Variants in GYG1 observed in about 807,000 individuals in gnomAD.
GYG1 encodes the protein glycogenin-1.
A neutral mutation model predicts 41.9 loss-of-function variants in GYG1; 44 were observed. That is an observed-to-expected ratio of 1.05 (90% CI 0.83 to 1.35). The LOEUF is 1.35. GYG1 is among the 40% of genes most tolerant of loss of function. The pLI is 0.00. For missense variants in GYG1, 429 were observed against 418.9 expected, an observed-to-expected ratio of 1.02 and a Z score of -0.21; for synonymous variants, 141 against 158.1, an observed-to-expected ratio of 0.89 and a Z score of 0.81.
chr3:149,031,251 CAT>C lies in GYG1; in HGVS notation c.*4320_*4321del, dbSNP rs1051759191. 2 of 152,464 alleles carry C rather than the reference CAT, an allele frequency of 1.3e-5. No homozygotes were observed. The highest frequency in any genetic ancestry group is 2.4e-5 in the African/African-American group (1 of 41,414). The allele number at this position is 152,464 out of a possible 1,614,324, so 9.4% of individuals were successfully genotyped here. ...CAAAATCAAATTCTGATTCTAAACACATAACAATTGTTTACATTCAGGATTAA... is the reference window on the plus strand; with the variant it reads ...CAAAATCAAATTCTGATTCTAAACACAACAATTGTTTACATTCAGGATTAA... On this transcript the variant is annotated 3_prime_UTR_variant, in exon 8 of 8. Coordinates refer to ENST00000345003, the MANE Select transcript of GYG1 (RefSeq NM_004130.4).
At chr3:149,017,225 G>C (rs1714097598) in intron 5 of GYG1, among the ~76,000 whole-genome samples, 1 of 152,160 alleles carries the variant, frequency 6.6e-6, no homozygotes, top group African/African-American at 2.4e-5. Context: ...CAGTATTATT[G>C]CTGGCTTGTG....
chr3:149,012,231 C>T (rs781283221), intron 5 of GYG1, among the ~76,000 whole-genome samples: 2 of 151,158 alleles, frequency 1.3e-5, no homozygotes, highest in Non-Finnish European at 3.0e-5. Context: ...ATCATTGCTA[C>T]TCTCCAAAGA....
chr3:149,029,301 C>CAA lies in GYG1; in HGVS notation c.*2369_*2370dup, dbSNP rs1270622196. Among the ~76,000 whole-genome samples the CAA allele has an allele frequency of 6.6e-6, 1 of 152,108 alleles. No individual in the cohort carries two copies. The highest frequency in any genetic ancestry group is 2.4e-5 in the African/African-American group (1 of 41,434). ...AAAAAGGCAACAGTAATTCAAATTA[C>CAA]AAGATTTATATTTGCAGAGGTGATC... On this transcript the variant is annotated 3_prime_UTR_variant, in exon 8 of 8. Transcript: ENST00000345003.
intron 6 of GYG1, among the ~76,000 whole-genome samples, chr3:149,025,884 G>A (rs1714623741): frequency 6.6e-6 from 1 of 152,090 alleles, no homozygotes; most frequent in Non-Finnish European, 1.5e-5. Flanking sequence ...CTTGACCTCA[G>A]GGGCCTCTCT....
At position 149,030,334 on chromosome 3, in the gene GYG1, T is replaced by G. The variant is rs1714896140; in HGVS notation, c.*3401T>G. On this transcript the variant is annotated 3_prime_UTR_variant, in exon 8 of 8. Coordinates refer to ENST00000345003, the MANE Select transcript of GYG1 (RefSeq NM_004130.4). ...CCTTCTTAGGAAGGACAAATTAAAT[T>G]TTTTAAATTAAACTTTTAAAATATA... The G allele has an allele frequency of 6.6e-6, 1 of 152,194 alleles. No individual in the cohort carries two copies. Among genetic ancestry groups the G allele is most frequent in the Admixed American group, 6.5e-5 (1 of 15,280 alleles). The allele number at this position is 152,194 out of a possible 1,614,324, so 9.4% of individuals were successfully genotyped here.
At chr3:149,013,078 C>T (rs1302655691) in intron 5 of GYG1, among the ~76,000 whole-genome samples, 1 of 151,304 alleles carries the variant, frequency 6.6e-6, no homozygotes, top group African/African-American at 2.4e-5. Context: ...TGGTCTTACT[C>T]CTAGGTTCAA....
intron 4 of GYG1, among the ~76,000 whole-genome samples, chr3:148,999,595 ACT>A (rs1491576238): frequency 2.6e-5 from 4 of 152,222 alleles, no homozygotes; most frequent in Non-Finnish European, 4.4e-5. Flanking sequence ...GATGTGTTGG[ACT>A]TATGCTTGAT....
rs765243532 is a variant in GYG1, at chr3:148,996,835, G to A, written c.412G>A (p.Val138Ile). 10 of 1,613,408 alleles carry A rather than the reference G, an allele frequency of 6.2e-6. No homozygotes were observed. The highest frequency in any genetic ancestry group is 2.2e-5 in the South Asian group (2 of 91,062). The change falls in exon 4 of 8, where the codon GTT (valine) becomes ATT (isoleucine). Residue 138 changes from valine to isoleucine, a missense_variant. Transcript: ENST00000345003. ...WPDCFNSGVF[V>I]YQPSVETYNQ... ...TGACTGCTTCAATTCCGGAGTCTTC[G>A]TTTATCAGCCTTCAGTTGAAACATA...
rs1257597071 is a variant in GYG1 at position 148,991,634 on chromosome 3, C to A, written c.-7C>A. On this transcript the variant is annotated 5_prime_UTR_variant, in exon 1 of 8. Coordinates refer to ENST00000345003, the MANE Select transcript of GYG1 (RefSeq NM_004130.4). ...CTGCCCCGGCCGCCTGCGCACCCGG[C>A]AGCACCATGACAGGTACCGCCGCGC... is the stretch of plus-strand genomic sequence containing the variant. 1 of 1,552,956 alleles carries A rather than the reference C, an allele frequency of 6.4e-7. No homozygotes were observed. Among genetic ancestry groups the A allele is most frequent in the East Asian group, 2.4e-5 (1 of 41,736 alleles).
rs1336983131 is a variant in GYG1 at position 149,013,568 on chromosome 3, T to C, written c.608+4166T>C. On this transcript the variant is annotated intron_variant, in intron 5 of 7. Transcript: ENST00000345003. Reference sequence around the variant, plus strand: ...CCCTTTACTTGAGTTTAGATATGACTAGAGACCTGGCCTAGTAAAATTAAA... The same window carrying C: ...CCCTTTACTTGAGTTTAGATATGACCAGAGACCTGGCCTAGTAAAATTAAA... Among the ~76,000 whole-genome samples, 3 of 152,244 alleles carry C rather than the reference T, an allele frequency of 2.0e-5. No individual in the cohort carries two copies. The East Asian group carries it at 5.8e-4, about 29-fold the overall frequency.
chr3:149,016,625 T>G (rs1714065613), intron 5 of GYG1, among the ~76,000 whole-genome samples: 1 of 152,056 alleles, frequency 6.6e-6, no homozygotes, highest in African/African-American at 2.4e-5. Context: ...GCAAAGAAAT[T>G]GGGTGGGTGT....
Position 149,029,686 on chromosome 3 carries a change from T to A in GYG1, c.*2753T>A, listed in dbSNP as rs1000509323. Among the ~76,000 whole-genome samples the A allele has an allele frequency of 6.6e-6, 1 of 152,200 alleles. No homozygotes were observed. Among genetic ancestry groups the A allele is most frequent in the Non-Finnish European group, 1.5e-5 (1 of 68,038 alleles). ...ATAAAACAAGAAAAAAATACAGCAA[T>A]GTCTTTGCCATTCCCCAAAACAAAG... On this transcript the variant is annotated 3_prime_UTR_variant, in exon 8 of 8. Coordinates refer to ENST00000345003, the MANE Select transcript of GYG1 (RefSeq NM_004130.4).
chr3:149,012,530 C>T (rs1356891278), intron 5 of GYG1, among the ~76,000 whole-genome samples: 1 of 152,162 alleles, frequency 6.6e-6, no homozygotes, highest in Non-Finnish European at 1.5e-5. Flanking sequence ...TTTGGTCTTA[C>T]ATGAAGCTTC....
chr3:149,026,529 A>T, intron 7 of GYG1, 27 bp downstream of exon 7: 13 of 1,471,652 alleles, frequency 8.8e-6, no homozygotes, highest in Non-Finnish European at 1.2e-5. Context: ...GATTAACCCT[A>T]ATTACTTTGT....
chr3:149,025,335 C>T (rs948553564), intron 6 of GYG1, among the ~76,000 whole-genome samples: 9 of 152,160 alleles, frequency 5.9e-5, no homozygotes, highest in Non-Finnish European at 7.3e-5. Flanking sequence ...ATAGAGTTCA[C>T]GCTTCTATGA....
Position 149,030,329 on chromosome 3 carries a change from T to G in GYG1, c.*3396T>G, listed in dbSNP as rs543313484. On this transcript the variant is annotated 3_prime_UTR_variant, in exon 8 of 8. Coordinates refer to ENST00000345003, the MANE Select transcript of GYG1 (RefSeq NM_004130.4). The stretch of plus-strand genomic sequence containing the variant: ...TTTATCCTTCTTAGGAAGGACAAAT[T>G]AAATTTTTTAAATTAAACTTTTAAA... The G allele has an allele frequency of 6.6e-6, 1 of 152,306 alleles. No individual in the cohort carries two copies. The highest frequency in any genetic ancestry group is 2.1e-4 in the South Asian group (1 of 4,828). The allele number at this position is 152,306 out of a possible 1,614,324, so 9.4% of individuals were successfully genotyped here. A position where few individuals can be genotyped will look rare whatever the true frequency, so the allele number is the denominator to read the frequency against.
chr3:149,018,717 A>G (rs1015981852), intron 5 of GYG1, among the ~76,000 whole-genome samples: 1 of 152,122 alleles, frequency 6.6e-6, no homozygotes, highest in Non-Finnish European at 1.5e-5. Flanking sequence ...ACCTCTGACC[A>G]TTCACTACCA....
At chr3:149,020,886 G>A (rs1307105452) in intron 5 of GYG1, among the ~76,000 whole-genome samples, 1 of 152,210 alleles carries the variant, frequency 6.6e-6, no homozygotes, top group Non-Finnish European at 1.5e-5. Context: ...GTCCGAGGAG[G>A]TGGAAGGAAT....
At chr3:149,001,998 C>T (rs1250915842) in intron 4 of GYG1, among the ~76,000 whole-genome samples, 2 of 152,190 alleles carry the variant, frequency 1.3e-5, no homozygotes, top group Non-Finnish European at 2.9e-5. Context: ...TCTATTGCTA[C>T]TGTTCCTCCC....
Sources: allele counts gnomAD v4.1 joint callset (sites outside exome capture counted in the v4.1 genomes callset), GRCh38; gene constraint gnomAD v4.1.1; transcripts MANE v1.5; gene names NCBI Gene and HGNC (gene_info 2026-07-23, HGNC 2026-07-21).